PRPSAP1: variants seen among roughly 807,000 people sequenced by gnomAD.
PRPSAP1 encodes the protein phosphoribosyl pyrophosphate synthetase associated protein 1.
Under a neutral mutation model 39.4 loss-of-function variants are expected in PRPSAP1, and 31 were observed. The observed-to-expected ratio is 0.79, with a 90% CI of 0.59 to 1.06. PRPSAP1 has a LOEUF of 1.06. Among genes scored for constraint, PRPSAP1 ranks in the 50% least tolerant of loss-of-function variants. PRPSAP1 has a pLI of 0.00. For missense variants in PRPSAP1, 430 were observed against 511.6 expected (o/e 0.84, Z 1.54); for synonymous variants, 212 against 192.6 (o/e 1.10, Z -0.83).
Position 76,328,752 on chromosome 17 carries a change from T to C in PRPSAP1, c.746A>G (p.Lys249Arg). Residue 249 changes from lysine (K) to arginine (R), a missense_variant, in exon 7 of 10, where the codon AAA becomes AGA. By Grantham distance (26) the Lys-to-Arg change is conservative. Around this residue, in one of 2 missense-constraint regions of PRPSAP1, gnomAD observed 278 missense variants for 376.3 expected, o/e 0.74. Coordinates refer to ENST00000446526, the MANE Select transcript of PRPSAP1 (RefSeq NM_002766.3). ...DDGRHSPPMV[K>R]NATVHPGLEL... ...CAGGCCTGGGTGCACAGTAGCATTTTTGACCATAGGCGGGGAGTGACGACC... is the reference window on the plus strand; with the variant it reads ...CAGGCCTGGGTGCACAGTAGCATTTCTGACCATAGGCGGGGAGTGACGACC... The C allele has an allele frequency of 6.2e-7, 1 of 1,614,202 alleles. No individual in the cohort carries two copies. The highest frequency in any genetic ancestry group is 8.5e-7 in the Non-Finnish European group (1 of 1,180,040).
intron 9 of PRPSAP1, among the ~76,000 whole-genome samples, chr17:76,312,603 T>C (rs2071080773): frequency 6.6e-6 from 1 of 152,214 alleles, no homozygotes; most frequent in African/African-American, 2.4e-5. Flanking sequence ...TAAAATAAAG[T>C]GTCTCAAGTA....
intron 7 of PRPSAP1, among the ~76,000 whole-genome samples, chr17:76,325,340 C>T (rs1204378381): frequency 1.3e-4 from 15 of 113,532 alleles, no homozygotes; most frequent in Non-Finnish European, 1.7e-5. Context: ...ACCCGGGAGG[C>T]GGAGCTTGCA....
chr17:76,332,285 T>C lies in PRPSAP1; in HGVS notation c.441A>G (p.Leu147=), dbSNP rs1319198644. ...CACCTGCTTTCGCCAGCATGGATGC[T>C]AGCAGCTTGCACACAATGGAACCCC... ...RKRGSIVCKL[L]ASMLAKAGLT... Residue 147 remains leucine (L), a synonymous_variant, in exon 4 of 10, where the codon CTA becomes CTG. Transcript: ENST00000446526. The C allele has an allele frequency of 3.7e-6, 6 of 1,614,142 alleles. No homozygotes were observed. The highest frequency in any genetic ancestry group is 2.2e-5 in the South Asian group (2 of 91,086).
chr17:76,341,721 C>T (rs939712390), intron 3 of PRPSAP1, among the ~76,000 whole-genome samples: 2 of 152,138 alleles, frequency 1.3e-5, no homozygotes, highest in African/African-American at 4.8e-5. Context: ...AGGCGGATCA[C>T]GAGGTTAGGA....
intron 1 of PRPSAP1, among the ~76,000 whole-genome samples, chr17:76,350,069 T>C (rs2071550959): frequency 7.3e-6 from 1 of 136,348 alleles, no homozygotes; most frequent in Non-Finnish European, 1.6e-5. Flanking sequence ...TGGGTGACTT[T>C]ATCTCAAAAA....
intron 3 of PRPSAP1, among the ~76,000 whole-genome samples, chr17:76,340,470 G>A (rs528224198): frequency 6.6e-5 from 10 of 150,924 alleles, no homozygotes; most frequent in African/African-American, 1.7e-4. Context: ...TAGATTGCAC[G>A]TGTTAAATAC....
At chr17:76,322,948 C>T (rs11867987) in intron 7 of PRPSAP1, among the ~76,000 whole-genome samples, 2,089 of 152,062 alleles carry the variant, frequency 0.014, 59 homozygotes, top group African/African-American at 0.048. Context: ...GAGCAGTGAT[C>T]GCACCACTGC....
In PRPSAP1 at chr17:76,311,474, G is replaced by A. The variant is rs1346046078; in HGVS notation, c.*68C>T. 1.3e-6 allele frequency: 2 copies of A among 1,525,464 alleles called. No homozygotes were observed. Among genetic ancestry groups the A allele is most frequent in the African/African-American group, 1.4e-5 (1 of 72,376 alleles). 94.5% of individuals were successfully genotyped at this position (1,525,464 alleles called of 1,614,324 possible). A position where few individuals can be genotyped will look rare whatever the true frequency, so the allele number is the denominator to read the frequency against. On this transcript the variant is annotated 3_prime_UTR_variant, in exon 10 of 10. Transcript: ENST00000446526. ...GAGTCCTCCCTTGCAAGGAAACACT[G>A]TATCACTCATGGCACTGCTTTTTCC... is the stretch of plus-strand genomic sequence containing the variant.
At chr17:76,330,129 A>G (rs1161837042) in intron 5 of PRPSAP1, 31 bp from the exon 6 acceptor site, 1 of 1,581,988 alleles carries the variant, frequency 6.3e-7, no homozygotes, top group Admixed American at 1.7e-5. Context: ...GAAAATACTG[A>G]AAAGTTATCA....
At chr17:76,345,666 A>T (rs1339185350) in intron 2 of PRPSAP1, 1 of 161,536 alleles carries the variant, frequency 6.2e-6, no homozygotes, top group African/African-American at 2.4e-5. Context: ...AGCTAGAAAC[A>T]TTTGGAGGGA....
intron 7 of PRPSAP1, among the ~76,000 whole-genome samples, chr17:76,316,569 C>T (rs995472499): frequency 6.6e-6 from 1 of 152,090 alleles, no homozygotes; most frequent in African/African-American, 2.4e-5. Context: ...AAAAATAAAA[C>T]ACTAAAAATT....
At chr17:76,323,535 T>G (rs545359140) in intron 7 of PRPSAP1, among the ~76,000 whole-genome samples, 1 of 152,022 alleles carries the variant, frequency 6.6e-6, no homozygotes, top group East Asian at 1.9e-4. Context: ...ATTCTAACCC[T>G]CATGGATGAC....
At chr17:76,320,439 T>TTTTTGAGATGGAGTCTCCCTTTG (rs2071183474) in intron 7 of PRPSAP1, among the ~76,000 whole-genome samples, 1 of 147,028 alleles carries the variant, frequency 6.8e-6, no homozygotes, top group Non-Finnish European at 1.5e-5. Flanking sequence ...TTTTTTTTTT[T>TTTTTGAGATGGAGTCTCCCTTTG]TTTGAGATGG....
At position 76,349,229 on chromosome 17, in the gene PRPSAP1, G is replaced by A. The variant is rs567570447; in HGVS notation, c.171-648C>T. 9.9e-5 allele frequency among the ~76,000 whole-genome samples: 15 copies of A among 151,702 alleles called. No homozygotes were observed. The East Asian group carries it at 2.7e-3, about 28-fold the overall frequency. ...TGAGGCAGGAGAATTGCTTGAACCC[G>A]GGAGGCGGAGGTTGTGGTGAGCCGA... On this transcript the variant is annotated intron_variant, in intron 1 of 9. Transcript: ENST00000446526.
intron 7 of PRPSAP1, among the ~76,000 whole-genome samples, chr17:76,325,563 C>T (rs2071247300): frequency 6.6e-6 from 1 of 150,830 alleles, no homozygotes; most frequent in African/African-American, 2.4e-5. Context: ...AGGCAAGACC[C>T]TCCACCAACA....
At chr17:76,321,386 C>T (rs552916806) in intron 7 of PRPSAP1, among the ~76,000 whole-genome samples, 2 of 152,072 alleles carry the variant, frequency 1.3e-5, no homozygotes, top group Admixed American at 1.3e-4. Flanking sequence ...GAAACCCCGT[C>T]GTTACTAAAA....
rs1305908929 is a variant in PRPSAP1 at position 76,311,038 on chromosome 17, T to C, written c.*504A>G. On this transcript the variant is annotated 3_prime_UTR_variant, in exon 10 of 10. Coordinates refer to ENST00000446526, the MANE Select transcript of PRPSAP1 (RefSeq NM_002766.3). ...TGGAAGATGTAACAACATGAATGCT[T>C]CATTTTTCAATGGCTGTAGGCATAA... 2 of 152,266 alleles carry C rather than the reference T, an allele frequency of 1.3e-5. No homozygotes were observed. Among genetic ancestry groups the C allele is most frequent in the African/African-American group, 4.8e-5 (2 of 41,450 alleles). 9.4% of individuals were successfully genotyped at this position (152,266 alleles called of 1,614,324 possible).
In PRPSAP1 at chr17:76,311,660, A is replaced by C; in HGVS notation, c.1040T>G (p.Leu347Arg). Residue 347 changes from leucine (L) to arginine (R), a missense_variant, in exon 10 of 10, where the codon CTG (leucine) becomes CGG (arginine). By Grantham distance (102) the Leu-to-Arg change is moderately radical (BLOSUM62 -2). Coordinates refer to ENST00000446526, the MANE Select transcript of PRPSAP1 (RefSeq NM_002766.3). ...TNTVPHEVQK[L>R]QCPKIKTVDI... ...CACAGTCTTTATCTTGGGACATTGC[A>C]GCTTCTGAACCTCATGAGGGACAGT... 1 of 1,614,166 alleles carries C rather than the reference A, an allele frequency of 6.2e-7. No individual in the cohort carries two copies. Among genetic ancestry groups the C allele is most frequent in the Non-Finnish European group, 8.5e-7 (1 of 1,180,024 alleles).
intron 6 of PRPSAP1, among the ~76,000 whole-genome samples, 179 bp downstream of exon 6, chr17:76,329,864 C>CT (rs2071302048): frequency 6.6e-6 from 1 of 152,022 alleles, no homozygotes; most frequent in Admixed American, 6.6e-5. Context: ...ATCATGTGTG[C>CT]TGTCTGGAGG....
Sources: gnomAD v4.1 joint callset for allele counts (sites outside exome capture counted in the v4.1 genomes callset) on GRCh38, gnomAD v4.1.1 for gene constraint, gnomAD v4.1.1 regional missense constraint, MANE v1.5 for transcripts, NCBI Gene and HGNC (gene_info 2026-07-23, HGNC 2026-07-21) for gene names.